TDRP: variants seen among roughly 807,000 people sequenced by gnomAD.
The protein encoded by TDRP is testis development related protein.
A neutral mutation model predicts 10.5 loss-of-function variants in TDRP; 12 were observed. That is an observed-to-expected ratio of 1.15 (90% CI 0.73 to 1.86). The LOEUF (loss-of-function observed/expected upper bound fraction) is 1.86. Among genes scored for constraint, TDRP ranks in the 40% most tolerant of loss-of-function variants. The pLI is 0.00. For synonymous variants in TDRP, 139 were observed against 95.4 expected, an observed-to-expected ratio of 1.46 and a Z score of -2.67; for missense variants, 353 against 229.2, an observed-to-expected ratio of 1.54 and a Z score of -3.49.
intron 1 of TDRP, among the ~76,000 whole-genome samples, chr8:511,500 T>G (rs999257049): frequency 2.0e-5 from 3 of 152,030 alleles, no homozygotes; most frequent in Non-Finnish European, 4.4e-5. Context: ...AAGGGAGAAC[T>G]AGAAAAATCC....
At chr8:519,232 G>C (rs1801834007) in intron 1 of TDRP, among the ~76,000 whole-genome samples, 2 of 152,168 alleles carry the variant, frequency 1.3e-5, no homozygotes, top group African/African-American at 4.8e-5. Flanking sequence ...CATGTTGAGA[G>C]GGATGGACGC....
At chr8:525,668 T>C (rs1291185428) in intron 1 of TDRP, among the ~76,000 whole-genome samples, 2 of 151,464 alleles carry the variant, frequency 1.3e-5, no homozygotes, top group African/African-American at 4.9e-5. Context: ...CATGGTAACC[T>C]CAAATCAAAA....
chr8:540,994 A>T (rs186846399), intron 1 of TDRP, among the ~76,000 whole-genome samples: 1 of 152,202 alleles, frequency 6.6e-6, no homozygotes, highest in Non-Finnish European at 1.5e-5. Context: ...AGAATTGAGA[A>T]CTTCTAACAT....
chr8:539,460 G>A (rs569627887), intron 1 of TDRP, among the ~76,000 whole-genome samples: 34 of 152,316 alleles, frequency 2.2e-4, no homozygotes, highest in Admixed American at 8.5e-4. Context: ...TGGCCTGAAT[G>A]AACTAGGATG....
At chr8:544,429 C>A (rs1802581387) in intron 1 of TDRP, among the ~76,000 whole-genome samples, 1 of 152,112 alleles carries the variant, frequency 6.6e-6, no homozygotes, top group Admixed American at 6.5e-5. Flanking sequence ...CCACGCGGAC[C>A]ACAGCGGCAA....
intron 1 of TDRP, among the ~76,000 whole-genome samples, chr8:539,310 G>A (rs1802430893): frequency 6.6e-6 from 1 of 152,176 alleles, no homozygotes; most frequent in Non-Finnish European, 1.5e-5. Flanking sequence ...AGGATGTAGT[G>A]TGAAGGCAGT....
intron 1 of TDRP, among the ~76,000 whole-genome samples, chr8:538,223 G>T (rs1320319616): frequency 6.6e-6 from 1 of 152,154 alleles, no homozygotes; most frequent in Non-Finnish European, 1.5e-5. Flanking sequence ...ATCAAGGGTG[G>T]GAGATTCTTG....
intron 1 of TDRP, among the ~76,000 whole-genome samples, chr8:500,967 GA>G (rs767814551): frequency 6.6e-6 from 1 of 152,216 alleles, no homozygotes; most frequent in East Asian, 1.9e-4. Context: ...AGCACTCTGG[GA>G]GGCCAAGGTG....
chr8:510,720 T>A (rs890050037), intron 1 of TDRP, among the ~76,000 whole-genome samples: 3 of 152,232 alleles, frequency 2.0e-5, no homozygotes, highest in Non-Finnish European at 4.4e-5. Context: ...ACCCACCTTA[T>A]GAGAAACACT....
At chr8:516,146 G>C (rs1390153208) in intron 1 of TDRP, among the ~76,000 whole-genome samples, 2 of 152,174 alleles carry the variant, frequency 1.3e-5, no homozygotes, top group Non-Finnish European at 2.9e-5. Flanking sequence ...TGGTCCGGTA[G>C]AGCGGTTCCT....
At chr8:540,123 T>C (rs926627759) in intron 1 of TDRP, among the ~76,000 whole-genome samples, 3 of 152,252 alleles carry the variant, frequency 2.0e-5, no homozygotes, top group Non-Finnish European at 4.4e-5. Flanking sequence ...AACAGATCTC[T>C]GCACTTCTTT....
intron 1 of TDRP, among the ~76,000 whole-genome samples, chr8:530,583 C>A (rs1183663807): frequency 6.6e-6 from 1 of 152,100 alleles, no homozygotes; most frequent in Non-Finnish European, 1.5e-5. Flanking sequence ...TGGGCTTGTA[C>A]ATGGAATGTC....
intron 1 of TDRP, among the ~76,000 whole-genome samples, chr8:524,795 G>C (rs1333242853): frequency 6.6e-6 from 1 of 152,138 alleles, no homozygotes; most frequent in African/African-American, 2.4e-5. Context: ...AAAACAATGA[G>C]GCTTGCTTAC....
Position 505,898 on chromosome 8 carries a change from C to T in TDRP, c.109-11301G>A, listed in dbSNP as rs548039782. Among the ~76,000 whole-genome samples the T allele has an allele frequency of 2.4e-4, 37 of 152,274 alleles. No individual in the cohort carries two copies. The South Asian group carries it at 4.4e-3, about 18-fold the overall frequency. ...CAAACCCTCAAATCACACCCAAAGT[C>T]GGCACGTAGATATCAACTTGCTAGC... On this transcript the variant is annotated intron_variant, in intron 1 of 2. Transcript: ENST00000324079.
rs189169730 is a variant in TDRP, at chr8:501,937, C to A, written c.109-7340G>T. 1.6e-3 allele frequency among the ~76,000 whole-genome samples: 251 copies of A among 152,360 alleles called. 1 individual carries two copies. The highest frequency in any genetic ancestry group is 5.5e-3 in the African/African-American group (229 of 41,584). ...CCCTCTCCAAAGCCCACCCCCAGAA[C>A]AGTTCTGGACAAAGGCTTAGCGCTG... On this transcript the variant is annotated intron_variant, in intron 1 of 2. Coordinates refer to ENST00000324079, the MANE Select transcript of TDRP (RefSeq NM_001384899.1).
rs543543945 is a variant in TDRP at position 518,783 on chromosome 8, C to G, written c.109-24186G>C. 7.3e-5 allele frequency among the ~76,000 whole-genome samples: 11 copies of G among 151,502 alleles called. 1 individual carries two copies. The highest frequency in any genetic ancestry group is 2.4e-4 in the African/African-American group (10 of 41,282). ...CCATTTTTTTTTTAGCTTAAAAGGT[C>G]ATTTACATAAATATCTTAATAGAAA... On this transcript the variant is annotated intron_variant, in intron 1 of 2. Transcript: ENST00000324079.
chr8:539,327 T>C (rs1365793256), intron 1 of TDRP, among the ~76,000 whole-genome samples: 2 of 152,168 alleles, frequency 1.3e-5, no homozygotes, highest in South Asian at 4.1e-4. Flanking sequence ...CAGTGGCCTC[T>C]GCAAACCAGG....
intron 1 of TDRP, among the ~76,000 whole-genome samples, chr8:500,981 T>C (rs7817504): frequency 0.83 from 125,643 of 151,640 alleles, 52,122 homozygotes; most frequent in Admixed American, 0.88. Context: ...CCAAGGTGGG[T>C]GGATCACAAG....
chr8:500,457 T>C (rs1230237375), intron 1 of TDRP, among the ~76,000 whole-genome samples: 1 of 152,132 alleles, frequency 6.6e-6, no homozygotes, highest in Non-Finnish European at 1.5e-5. Flanking sequence ...CTGAAGGCCT[T>C]GTTTAGAAGA....
Sources: allele counts gnomAD v4.1 joint callset (sites outside exome capture counted in the v4.1 genomes callset), GRCh38; gene constraint gnomAD v4.1.1; transcripts MANE v1.5; gene names NCBI Gene and HGNC (gene_info 2026-07-23, HGNC 2026-07-21).